Variants in ZNF331 observed in about 807,000 individuals in gnomAD.
The protein encoded by ZNF331 is C2H2-like zinc finger protein rearranged in thyroid adenomas.
A neutral mutation model predicts 7.0 loss-of-function variants in ZNF331; 2 were observed. The ratio of observed to expected loss-of-function variants is 0.29; its 90% CI spans 0.12 to 0.90. ZNF331 has a LOEUF of 0.90. ZNF331 is among the 40% of genes least tolerant of loss of function. The pLI, the probability that ZNF331 is intolerant of heterozygous loss-of-function variation, is 0.58. For missense variants in ZNF331, 432 were observed against 587.7 expected, an observed-to-expected ratio of 0.74 and a Z score of 2.74; for synonymous variants, 196 against 205.4, an observed-to-expected ratio of 0.95 and a Z score of 0.39.
intron 3 of ZNF331, among the ~76,000 whole-genome samples, chr19:53,568,933 T>C (rs566774679): frequency 2.3e-4 from 33 of 145,816 alleles, no homozygotes; most frequent in African/African-American, 7.9e-4. Flanking sequence ...CTCAGCTCAC[T>C]GCAACCTCCG....
intron 2 of ZNF331, among the ~76,000 whole-genome samples, chr19:53,551,142 A>C (rs918905707): frequency 1.3e-5 from 2 of 152,092 alleles, no homozygotes; most frequent in African/African-American, 4.8e-5. Flanking sequence ...ATCATTTTTT[A>C]AAATTAGGAC....
intron 5 of ZNF331, among the ~76,000 whole-genome samples, chr19:53,572,034 A>G (rs866164553): frequency 6.6e-6 from 1 of 152,170 alleles, no homozygotes; most frequent in African/African-American, 2.4e-5. Flanking sequence ...CTGTGAGAGT[A>G]TGTTTATACC....
chr19:53,541,374 G>A (rs1343470010), intron 2 of ZNF331, among the ~76,000 whole-genome samples: 1 of 152,080 alleles, frequency 6.6e-6, no homozygotes, highest in East Asian at 1.9e-4. Flanking sequence ...CCAAAGTGCT[G>A]GGATTACAGG....
At chr19:53,575,483 T>C (rs2090664701) in intron 5 of ZNF331, among the ~76,000 whole-genome samples, 1 of 151,040 alleles carries the variant, frequency 6.6e-6, no homozygotes, top group Non-Finnish European at 1.5e-5. Flanking sequence ...GAATGTTGTA[T>C]TCTTTTACCC....
At chr19:53,534,521 A>T (rs2087665321), upstream of ZNF331, among the ~76,000 whole-genome samples, 1 of 152,064 alleles carries the variant, frequency 6.6e-6, no homozygotes, top group South Asian at 2.1e-4. Context: ...TCTTGACCTC[A>T]AGTGATCCGC....
chr19:53,547,622 A>G (rs2088700795), intron 2 of ZNF331, among the ~76,000 whole-genome samples: 1 of 152,194 alleles, frequency 6.6e-6, no homozygotes, highest in Non-Finnish European at 1.5e-5. Flanking sequence ...ATCATGGCTA[A>G]TTTACATTCT....
chr19:53,505,248 T>G, the ZNF331 span, among the ~76,000 whole-genome samples: 2 of 152,058 alleles, frequency 1.3e-5, no homozygotes, highest in Non-Finnish European at 2.9e-5. Flanking sequence ...TAGAGGTTTT[T>G]GGGAGGAAGA....
At chr19:53,545,082 ATC>A (rs1254140718) in intron 2 of ZNF331, among the ~76,000 whole-genome samples, 2 of 152,126 alleles carry the variant, frequency 1.3e-5, no homozygotes, top group East Asian at 3.9e-4. Context: ...GGTGCACTGG[ATC>A]TCTCTGTATT....
intron 3 of ZNF331, among the ~76,000 whole-genome samples, chr19:53,564,010 C>A (rs534924510): frequency 8.0e-6 from 1 of 124,272 alleles, no homozygotes; most frequent in Admixed American, 9.8e-5. Context: ...TCCAGCCTGG[C>A]GACAGAGCGA....
In ZNF331 at chr19:53,577,272, A is replaced by G. The variant is rs1227207339; in HGVS notation, c.712A>G (p.Thr238Ala). The change falls in exon 6 of 6, where the codon ACT becomes GCT. Residue 238 changes from threonine (T) to alanine (A), a missense_variant. Transcript: ENST00000449416. The part of the protein sequence containing the change: ...DELTQHQRFH[T>A]GEKDYECKDC... ...GCTCACTCAGCACCAGAGATTCCAC[A>G]CTGGGGAGAAAGACTACGAATGCAA... is the stretch of plus-strand genomic sequence containing the variant. The G allele has an allele frequency of 5.0e-6, 8 of 1,613,912 alleles. No individual in the cohort carries two copies. The highest frequency in any genetic ancestry group is 3.3e-5 in the Admixed American group (2 of 59,980).
At chr19:53,538,375 G>A (rs1480837298) in intron 1 of ZNF331, 79 bp downstream of exon 1, 1 of 152,300 alleles carries the variant, frequency 6.6e-6, no homozygotes, top group Non-Finnish European at 1.5e-5. Flanking sequence ...AGAGTGTGGG[G>A]TGACACAGCC....
upstream of ZNF331, among the ~76,000 whole-genome samples, chr19:53,519,759 C>T (rs1429954069): frequency 6.6e-6 from 1 of 152,140 alleles, no homozygotes; most frequent in African/African-American, 2.4e-5. Flanking sequence ...TTGGCACAGA[C>T]CCAGTCAGGA....
At chr19:53,533,969 A>G (rs1250949389), upstream of ZNF331, among the ~76,000 whole-genome samples, 5 of 152,224 alleles carry the variant, frequency 3.3e-5, no homozygotes, top group African/African-American at 9.6e-5. Flanking sequence ...GTTATATGCA[A>G]TACTCCTACA....
Position 53,578,526 on chromosome 19 carries a change from A to G in ZNF331, c.*574A>G. 1 of 219,780 alleles carries G rather than the reference A, an allele frequency of 4.5e-6. No homozygotes were observed. The highest frequency in any genetic ancestry group is 6.9e-5 in the East Asian group (1 of 14,550). The allele number at this position is 219,780 out of a possible 1,614,324, so 13.6% of individuals were successfully genotyped here. The stretch of plus-strand genomic sequence containing the variant: ...TCTATTTTGTTAGTTACTGTTGGTA[A>G]TCTCTTACTGTGCCTAATTTATAAA... On this transcript the variant is annotated 3_prime_UTR_variant, in exon 6 of 6. Transcript: ENST00000449416.
At chr19:53,513,477 T>C in the ZNF331 span, among the ~76,000 whole-genome samples, 1 of 152,200 alleles carries the variant, frequency 6.6e-6, no homozygotes, top group African/African-American at 2.4e-5. Context: ...GCTCTACCAA[T>C]TGACTGTCCC....
intron 3 of ZNF331, among the ~76,000 whole-genome samples, chr19:53,566,972 T>C (rs532355768): frequency 6.6e-6 from 1 of 152,282 alleles, no homozygotes; most frequent in African/African-American, 2.4e-5. Flanking sequence ...CATGTGTATG[T>C]GTATGTGTAT....
chr19:53,525,550 C>T (rs1261874346), intron 2 of ZNF331, among the ~76,000 whole-genome samples: 2 of 149,316 alleles, frequency 1.3e-5, no homozygotes, highest in East Asian at 3.8e-4. Flanking sequence ...TGATTTGGCT[C>T]TCTGTTTGTC....
At chr19:53,563,865 T>C (rs1301730158) in intron 3 of ZNF331, 7 of 151,584 alleles carry the variant, frequency 4.6e-5, no homozygotes, top group Non-Finnish European at 4.4e-5. Context: ...GCAAAACCCA[T>C]CTCTACTAAA....
In ZNF331 at chr19:53,560,263, CAT is replaced by C. The variant is rs2089797907; in HGVS notation, c.-74+4361_-74+4362del. Among the ~76,000 whole-genome samples the C allele has an allele frequency of 6.6e-6, 1 of 151,528 alleles. No individual in the cohort carries two copies. The highest frequency in any genetic ancestry group is 1.5e-5 in the Non-Finnish European group (1 of 67,892). ...CATATATACACACACCATGCACCCA[CAT>C]ATATACACACACCATATATATGCAC... On this transcript the variant is annotated intron_variant, in intron 3 of 5. Transcript: ENST00000449416. This position sits in a 1 kb window ranked among gnomAD's most constrained non-coding sequence, Gnocchi z 4.3.
Sources: gnomAD v4.1 joint callset for allele counts (sites outside exome capture counted in the v4.1 genomes callset) on GRCh38, gnomAD v4.1.1 for gene constraint, Gnocchi (gnomAD v3.1) non-coding constraint, MANE v1.5 for transcripts, NCBI Gene and HGNC (gene_info 2026-07-23, HGNC 2026-07-21) for gene names.